SLC14A2: variants seen among roughly 807,000 people sequenced by gnomAD.
SLC14A2 encodes urea transporter 2.
A neutral mutation model predicts 104.6 loss-of-function variants in SLC14A2; 91 were observed. The ratio of observed to expected loss-of-function variants is 0.87; its 90% CI spans 0.73 to 1.04. The LOEUF (loss-of-function observed/expected upper bound fraction) is 1.04. Among genes scored for constraint, SLC14A2 ranks in the 50% least tolerant of loss-of-function variants. The pLI is 0.00. For synonymous variants in SLC14A2, 476 were observed against 466.4 expected (o/e 1.02, Z -0.27); for missense variants, 1,189 against 1,156.0 (o/e 1.03, Z -0.41).
intron 1 of SLC14A2, among the ~76,000 whole-genome samples, chr18:45,344,947 G>C (rs1164138760): frequency 6.6e-6 from 1 of 152,216 alleles, no homozygotes; most frequent in Non-Finnish European, 1.5e-5. Context: ...TCAGGAGACT[G>C]AACCGTGGCC....
At position 45,425,167 on chromosome 18, in the gene SLC14A2, C is replaced by A. The variant is rs534404404; in HGVS notation, c.-124-58066C>A. On this transcript the variant is annotated intron_variant, in intron 1 of 20. Transcript: ENST00000586448. ...TTTTCATAAGAAGCTTCTAAATATGCCATGGACAAATGGTCCTGGCAATGG... is the reference window on the plus strand; with the variant it reads ...TTTTCATAAGAAGCTTCTAAATATGACATGGACAAATGGTCCTGGCAATGG... Among the ~76,000 whole-genome samples the A allele has an allele frequency of 1.2e-3, 177 of 152,266 alleles. 2 individuals are homozygous for A. In the South Asian group the frequency reaches 0.017, roughly 14 times the overall value.
intron 1 of SLC14A2, among the ~76,000 whole-genome samples, chr18:45,269,353 G>T (rs1025254713): frequency 2.0e-5 from 3 of 152,016 alleles, no homozygotes; most frequent in Admixed American, 6.6e-5. Context: ...CATTACTGAG[G>T]CTGTTCTTCA....
At chr18:45,330,392 T>G (rs2085277503) in intron 1 of SLC14A2, among the ~76,000 whole-genome samples, 1 of 152,154 alleles carries the variant, frequency 6.6e-6, no homozygotes, top group African/African-American at 2.4e-5. Flanking sequence ...ATCATTAGGC[T>G]TGAGGTTGCA....
Position 45,261,046 on chromosome 18 carries a change from G to A in SLC14A2, c.-125+47855G>A, listed in dbSNP as rs188999435. ...TTTTTTTTTTAATTTAAGTTTTAGG[G>A]TACATGTGCACAATGTTCAGGTTAG... On this transcript the variant is annotated intron_variant, in intron 1 of 20. Transcript: ENST00000586448. Among the ~76,000 whole-genome samples the A allele has an allele frequency of 3.1e-3, 475 of 151,260 alleles. 2 individuals carry two copies. The highest frequency in any genetic ancestry group is 0.011 in the African/African-American group (461 of 41,140).
chr18:45,359,308 G>A (rs946757043), intron 1 of SLC14A2, among the ~76,000 whole-genome samples: 1 of 152,180 alleles, frequency 6.6e-6, no homozygotes, highest in Admixed American at 6.5e-5. Context: ...AAAGAGATGG[G>A]AAGCAGGCCC....
intron 1 of SLC14A2, among the ~76,000 whole-genome samples, chr18:45,377,193 C>T (rs1225562682): frequency 6.6e-6 from 1 of 152,060 alleles, no homozygotes; most frequent in Admixed American, 6.6e-5. Context: ...TATATTAACC[C>T]TCAGCTTACA....
intron 13 of SLC14A2, 117 bp downstream of exon 13, chr18:45,667,211 CTG>C: frequency 1.4e-6 from 1 of 728,010 alleles, no homozygotes; most frequent in Non-Finnish European, 2.2e-6. Context: ...AGACTGCACT[CTG>C]TTACTGTGGT....
In SLC14A2 at chr18:45,417,229, G is replaced by GT. The variant is rs201446847; in HGVS notation, c.-124-65996dup. 2.1e-3 allele frequency among the ~76,000 whole-genome samples: 323 copies of GT among 151,928 alleles called. 1 individual carries two copies. The highest frequency in any genetic ancestry group is 6.8e-3 in the Middle Eastern group (2 of 294). ...TTCAGCAAATTCAACAAATTATGGG[G>GT]TTTTTTTTAAGCATCTTAACACTTC... On this transcript the variant is annotated intron_variant, in intron 1 of 20. Coordinates refer to the SLC14A2 transcript ENST00000586448.
At chr18:45,372,198 G>C (rs911884570) in intron 1 of SLC14A2, among the ~76,000 whole-genome samples, 1 of 152,060 alleles carries the variant, frequency 6.6e-6, no homozygotes, top group Non-Finnish European at 1.5e-5. Flanking sequence ...TGTAATCCCA[G>C]CTACTCGGGA....
intron 1 of SLC14A2, among the ~76,000 whole-genome samples, chr18:45,289,912 T>C (rs1386072719): frequency 1.3e-5 from 2 of 152,292 alleles, no homozygotes; most frequent in East Asian, 3.9e-4. Flanking sequence ...ATGAGTTGTT[T>C]ACACTGAAAA....
At chr18:45,202,804 T>C in the SLC14A2 span, among the ~76,000 whole-genome samples, 1 of 152,176 alleles carries the variant, frequency 6.6e-6, no homozygotes, top group Non-Finnish European at 1.5e-5. Flanking sequence ...AATTAGTTTC[T>C]CAAATGGAGT....
intron 4 of SLC14A2, among the ~76,000 whole-genome samples, chr18:45,629,257 T>C (rs2045308630): frequency 1.3e-5 from 2 of 152,166 alleles, no homozygotes. Context: ...TAGGGTGGCG[T>C]TGGAGGACCA....
chr18:45,312,677 G>T (rs991884759), intron 1 of SLC14A2, among the ~76,000 whole-genome samples: 1 of 152,216 alleles, frequency 6.6e-6, no homozygotes, highest in African/African-American at 2.4e-5. Context: ...CCTGATCTTC[G>T]CTGTGGGCTA....
At chr18:45,196,720 C>T in the SLC14A2 span, among the ~76,000 whole-genome samples, 1 of 152,212 alleles carries the variant, frequency 6.6e-6, no homozygotes, top group Non-Finnish European at 1.5e-5. Context: ...CCCTCAACAG[C>T]AATCAATCAA....
intron 4 of SLC14A2, among the ~76,000 whole-genome samples, chr18:45,631,022 CCTAAGCCA>C (rs1256337477): frequency 6.6e-6 from 1 of 152,204 alleles, no homozygotes; most frequent in Non-Finnish European, 1.5e-5. Context: ...CCCTTCCAAA[CCTAAGCCA>C]CAGCCCCTGC....
At chr18:45,271,069 C>T (rs1568129299) in intron 1 of SLC14A2, among the ~76,000 whole-genome samples, 1 of 152,208 alleles carries the variant, frequency 6.6e-6, no homozygotes, top group Admixed American at 6.5e-5. Flanking sequence ...GCTTCCCACA[C>T]ACTTGCTTCC....
At chr18:45,187,612 T>G in the SLC14A2 span, among the ~76,000 whole-genome samples, 1 of 152,076 alleles carries the variant, frequency 6.6e-6, no homozygotes, top group South Asian at 2.1e-4. Flanking sequence ...TTTATGGCAT[T>G]AACGTGTGGT....
At chr18:45,248,061 T>C (rs2084384482) in intron 1 of SLC14A2, among the ~76,000 whole-genome samples, 2 of 152,158 alleles carry the variant, frequency 1.3e-5, no homozygotes, top group Non-Finnish European at 2.9e-5. Context: ...AGTGAGGTTC[T>C]GAGAGTATAT....
chr18:45,242,821 A>C (rs1260170739), intron 1 of SLC14A2, among the ~76,000 whole-genome samples: 1 of 152,158 alleles, frequency 6.6e-6, no homozygotes, highest in Non-Finnish European at 1.5e-5. Flanking sequence ...TATTTAGTTT[A>C]TATATTTTTA....
Sources: allele counts gnomAD v4.1 joint callset (sites outside exome capture counted in the v4.1 genomes callset), GRCh38; gene constraint gnomAD v4.1.1; transcripts MANE v1.5; gene names NCBI Gene and HGNC (gene_info 2026-07-23, HGNC 2026-07-21).